The following NPY2R variants were observed in gnomAD, a reference collection of about 807,000 sequenced individuals.
NPY2R encodes neuropeptide Y receptor type 2.
Under a neutral mutation model 22.3 loss-of-function variants are expected in NPY2R, and 17 were observed. That is an observed-to-expected ratio of 0.76 (90% CI 0.52 to 1.14). The LOEUF is 1.14. Ranked by LOEUF, NPY2R falls within the 50% of genes most tolerant of loss-of-function variation. The pLI is 0.00. For synonymous variants in NPY2R, 209 were observed against 183.4 expected (o/e 1.14, Z -1.13); for missense variants, 424 against 467.9 (o/e 0.91, Z 0.87).
intron 1 of NPY2R, among the ~76,000 whole-genome samples, chr4:155,210,979 AT>A (rs34627394): frequency 0.44 from 66,865 of 151,078 alleles, 15,474 homozygotes; most frequent in East Asian, 0.67. Context: ...TCTCAGGACA[AT>A]TTTTTTTTTG....
the NPY2R span, among the ~76,000 whole-genome samples, chr4:155,199,339 T>C: frequency 6.6e-6 from 1 of 151,798 alleles, no homozygotes; most frequent in African/African-American, 2.4e-5. Flanking sequence ...CAAGGAGAAA[T>C]ACAAACTACT....
the NPY2R span, among the ~76,000 whole-genome samples, chr4:155,200,130 C>A: frequency 6.6e-6 from 1 of 152,000 alleles, no homozygotes; most frequent in Non-Finnish European, 1.5e-5. Context: ...CAAAAATCTA[C>A]GAAGAACTTA....
chr4:155,211,640 A>C (rs950773265), intron 1 of NPY2R, among the ~76,000 whole-genome samples: 15 of 152,362 alleles, frequency 9.8e-5, no homozygotes, highest in East Asian at 9.6e-4. Flanking sequence ...GATCATGCAA[A>C]ACAGAATCTA....
intron 1 of NPY2R, among the ~76,000 whole-genome samples, chr4:155,210,125 G>C (rs1455907328): frequency 6.6e-6 from 1 of 152,130 alleles, no homozygotes; most frequent in African/African-American, 2.4e-5. Context: ...TCCCTTGTCT[G>C]CTTGCTGTTT....
At chr4:155,202,165 A>G in the NPY2R span, among the ~76,000 whole-genome samples, 1 of 152,204 alleles carries the variant, frequency 6.6e-6, no homozygotes, top group Admixed American at 6.5e-5. Context: ...TTTCATAAAG[A>G]AGATGGTATC....
chr4:155,196,295 G>T, the NPY2R span, among the ~76,000 whole-genome samples: 2 of 151,906 alleles, frequency 1.3e-5, no homozygotes, highest in African/African-American at 4.8e-5. Context: ...CTGAGAGTAG[G>T]TTATCATGGA....
At position 155,214,710 on chromosome 4, in the gene NPY2R, C is replaced by T. The variant is rs2111046701; in HGVS notation, c.771C>T (p.Asp257=). The T allele has an allele frequency of 1.2e-6, 2 of 1,614,220 alleles. No homozygotes were observed. The highest frequency in any genetic ancestry group is 8.5e-7 in the Non-Finnish European group (1 of 1,180,034). Residue 257 remains aspartate (D), a synonymous_variant, in exon 2 of 2, where the codon GAC becomes GAT. Coordinates refer to ENST00000329476, the MANE Select transcript of NPY2R (RefSeq NM_000910.4). ...KNHVSPGAAN[D]HYHQRRQKTT... is the part of the protein sequence containing the mutation. ...ATGTCAGTCCTGGAGCTGCAAATGA[C>T]CACTACCATCAGCGAAGGCAAAAAA...
At chr4:155,176,805 C>A in the NPY2R span, among the ~76,000 whole-genome samples, 1 of 152,056 alleles carries the variant, frequency 6.6e-6, no homozygotes, top group Non-Finnish European at 1.5e-5. Context: ...CTGGCGGGGA[C>A]CCAGTGTCCC....
chr4:155,198,096 C>T, the NPY2R span, among the ~76,000 whole-genome samples: 9 of 151,946 alleles, frequency 5.9e-5, no homozygotes, highest in African/African-American at 2.2e-4. Context: ...TGAAATAGCT[C>T]AAGCTGTACT....
At chr4:155,195,261 A>G in the NPY2R span, among the ~76,000 whole-genome samples, 5 of 151,862 alleles carry the variant, frequency 3.3e-5, no homozygotes, top group South Asian at 1.0e-3. Flanking sequence ...TCTCCTTCAT[A>G]TGTATTTATC....
the NPY2R span, among the ~76,000 whole-genome samples, chr4:155,195,707 C>T: frequency 2.6e-5 from 4 of 151,864 alleles, no homozygotes; most frequent in African/African-American, 9.7e-5. Flanking sequence ...CAGGTAAACT[C>T]AGTTAGGTAA....
chr4:155,177,408 C>G, the NPY2R span, among the ~76,000 whole-genome samples: 3 of 152,272 alleles, frequency 2.0e-5, no homozygotes, highest in Admixed American at 6.5e-5. Context: ...CCCAACTCAA[C>G]AAGGCAAACA....
chr4:155,205,236 C>T (rs1221997356), upstream of NPY2R, among the ~76,000 whole-genome samples: 1 of 152,186 alleles, frequency 6.6e-6, no homozygotes. Context: ...AGATACAAAA[C>T]ATTTCCATTA....
At chr4:155,174,484 A>ATATATATATTTTTT in the NPY2R span, among the ~76,000 whole-genome samples, 4 of 106,072 alleles carry the variant, frequency 3.8e-5, no homozygotes, top group African/African-American at 1.8e-4. Context: ...ATATATATAT[A>ATATATATATTTTTT]TTTTTTTTTT....
chr4:155,194,752 T>C, the NPY2R span, among the ~76,000 whole-genome samples: 6 of 152,010 alleles, frequency 3.9e-5, no homozygotes, highest in African/African-American at 1.4e-4. Context: ...TTTGAGTGTA[T>C]ACCTGGTAAT....
At chr4:155,191,833 G>T in the NPY2R span, among the ~76,000 whole-genome samples, 1 of 151,828 alleles carries the variant, frequency 6.6e-6, no homozygotes, top group South Asian at 2.1e-4. Flanking sequence ...TTTGGAGCGA[G>T]AACTGTCACT....
At chr4:155,183,352 T>C in the NPY2R span, among the ~76,000 whole-genome samples, 1 of 152,124 alleles carries the variant, frequency 6.6e-6, no homozygotes, top group Non-Finnish European at 1.5e-5. Context: ...GAGGAGGAAA[T>C]ATAGGAGTTT....
At chr4:155,196,275 A>C in the NPY2R span, among the ~76,000 whole-genome samples, 2 of 151,962 alleles carry the variant, frequency 1.3e-5, no homozygotes, top group Admixed American at 1.3e-4. Context: ...GAATTACCTT[A>C]GAGGCTTTCC....
the NPY2R span, among the ~76,000 whole-genome samples, chr4:155,193,121 T>C: frequency 5.3e-5 from 8 of 151,898 alleles, no homozygotes; most frequent in African/African-American, 1.4e-4. Flanking sequence ...CATTCAATAA[T>C]AATAGCCAAT....
Sources: gnomAD v4.1 joint callset for allele counts (sites outside exome capture counted in the v4.1 genomes callset) on GRCh38, gnomAD v4.1.1 for gene constraint, MANE v1.5 for transcripts, NCBI Gene and HGNC (gene_info 2026-07-23, HGNC 2026-07-21) for gene names.